VGLL4: variants seen among roughly 807,000 people sequenced by gnomAD.
VGLL4 encodes vestigial like family member 4.
VGLL4 carries 7 observed loss-of-function variants against 21.0 expected under a neutral mutation model. That is an observed-to-expected ratio of 0.33 (90% CI 0.19 to 0.63). The LOEUF is 0.63. VGLL4 is among the 20% of genes least tolerant of loss of function. VGLL4 has a pLI of 0.78. For missense variants in VGLL4, 394 were observed against 425.7 expected (o/e 0.93, Z 0.66); for synonymous variants, 222 against 173.2 (o/e 1.28, Z -2.21).
intron 2 of VGLL4, among the ~76,000 whole-genome samples, chr3:11,692,675 G>A (rs539305644): frequency 1.4e-5 from 2 of 146,338 alleles, no homozygotes; most frequent in African/African-American, 5.0e-5. Context: ...CAGCAGCAAC[G>A]CACAATTCAG....
At chr3:11,562,614 G>A (rs778484277) in intron 3 of VGLL4, among the ~76,000 whole-genome samples, 4 of 152,234 alleles carry the variant, frequency 2.6e-5, no homozygotes, top group Non-Finnish European at 5.9e-5. Context: ...CAGGGCGCCC[G>A]AGCCCAGCTC....
intron 2 of VGLL4, among the ~76,000 whole-genome samples, chr3:11,583,905 G>A (rs141892745): frequency 2.6e-5 from 4 of 152,306 alleles, no homozygotes; most frequent in South Asian, 2.1e-4. Context: ...ATGGACTGAC[G>A]AAGTGATGAC....
At chr3:11,589,752 T>C (rs1409130954) in intron 2 of VGLL4, among the ~76,000 whole-genome samples, 1 of 152,196 alleles carries the variant, frequency 6.6e-6, no homozygotes, top group Non-Finnish European at 1.5e-5. Flanking sequence ...TTTCCCGGCC[T>C]AGAGACAGCC....
chr3:11,602,597 C>T (rs960301104), intron 1 of VGLL4, among the ~76,000 whole-genome samples: 8 of 152,108 alleles, frequency 5.3e-5, no homozygotes, highest in African/African-American at 1.9e-4. Context: ...TCTTACAGTA[C>T]GCTAAATATT....
intron 2 of VGLL4, among the ~76,000 whole-genome samples, chr3:11,587,247 G>A (rs1156833016): frequency 6.6e-6 from 1 of 152,190 alleles, no homozygotes; most frequent in East Asian, 1.9e-4. Flanking sequence ...GATAAACTCA[G>A]CAAAGTCCTC....
At chr3:11,689,450 TCAC>T (rs1308042772) in intron 2 of VGLL4, among the ~76,000 whole-genome samples, 1 of 152,204 alleles carries the variant, frequency 6.6e-6, no homozygotes, top group African/African-American at 2.4e-5. Context: ...TTAAGTTCAA[TCAC>T]CACATTTTTA....
chr3:11,577,540 C>G (rs932369123), intron 2 of VGLL4, among the ~76,000 whole-genome samples: 3 of 152,144 alleles, frequency 2.0e-5, no homozygotes, highest in African/African-American at 7.2e-5. Flanking sequence ...CTGCAGTGAG[C>G]CGAGATCATG....
At chr3:11,666,673 T>C (rs1183739794) in intron 2 of VGLL4, among the ~76,000 whole-genome samples, 1 of 152,160 alleles carries the variant, frequency 6.6e-6, no homozygotes, top group Admixed American at 6.5e-5. Flanking sequence ...AATGCATATC[T>C]GGACATAATT....
chr3:11,578,352 C>T (rs760903646), intron 2 of VGLL4, among the ~76,000 whole-genome samples: 1 of 152,116 alleles, frequency 6.6e-6, no homozygotes, highest in African/African-American at 2.4e-5. Flanking sequence ...TTCTGCGTCA[C>T]GTGGTGTGTG....
rs2075171179 is a variant in VGLL4, at chr3:11,616,791, G to T, written c.83-14769C>A. 2.6e-5 allele frequency among the ~76,000 whole-genome samples: 4 copies of T among 152,258 alleles called. No homozygotes were observed. The South Asian group carries it at 8.3e-4, about 31-fold the overall frequency. On this transcript the variant is annotated intron_variant, in intron 1 of 4. Transcript: ENST00000430365. Reference sequence around the variant, plus strand: ...CTCCAGGAACTAAGGAAAACACACAGATGTTTGAGATCTGGTCTTTGCCTC... The same window carrying T: ...CTCCAGGAACTAAGGAAAACACACATATGTTTGAGATCTGGTCTTTGCCTC...
intron 2 of VGLL4, among the ~76,000 whole-genome samples, chr3:11,580,548 A>C (rs1282065391): frequency 6.6e-6 from 1 of 152,256 alleles, no homozygotes; most frequent in Non-Finnish European, 1.5e-5. Flanking sequence ...AATTCTGTTT[A>C]ATGTTCAACA....
In VGLL4 at chr3:11,714,652, C is replaced by T. The variant is rs192197732; in HGVS notation, c.-14+5742G>A. On this transcript the variant is annotated intron_variant, in intron 1 of 5. Transcript: ENST00000273038. ...ATCTCTCTCTCTTCATTTTCAAGAC[C>T]GCAGCCTTATACAGCAAGGCATATG... Among the ~76,000 whole-genome samples the T allele has an allele frequency of 2.4e-4, 37 of 151,604 alleles. 2 individuals are homozygous for T. In the East Asian group the frequency reaches 4.1e-3, roughly 17 times the overall value.
intron 1 of VGLL4, among the ~76,000 whole-genome samples, chr3:11,604,860 T>G (rs1006384130): frequency 1.4e-5 from 2 of 143,930 alleles, no homozygotes; most frequent in African/African-American, 5.1e-5. Context: ...ACAGCAAAAC[T>G]CAAGGTATGT....
chr3:11,595,144 A>G (rs912698612), intron 2 of VGLL4, among the ~76,000 whole-genome samples: 26 of 152,060 alleles, frequency 1.7e-4, no homozygotes, highest in African/African-American at 5.6e-4. Flanking sequence ...CTGGGCAACA[A>G]GAGTGAAACT....
intron 1 of VGLL4, among the ~76,000 whole-genome samples, chr3:11,637,606 C>T (rs1440087534): frequency 6.6e-6 from 1 of 152,164 alleles, no homozygotes. Flanking sequence ...TTAAAACATT[C>T]TATACATAAT....
At chr3:11,706,896 C>T (rs771256147) in intron 1 of VGLL4, among the ~76,000 whole-genome samples, 5 of 152,120 alleles carry the variant, frequency 3.3e-5, no homozygotes, top group Admixed American at 2.0e-4. Context: ...GAGCCTGATG[C>T]GGGTGGCCTT....
At position 11,556,872 on chromosome 3, in the gene VGLL4, G is replaced by A. The variant is rs2072472064; in HGVS notation, c.*1684C>T. 1 of 152,768 alleles carries A rather than the reference G, an allele frequency of 6.5e-6. No homozygotes were observed. The highest frequency in any genetic ancestry group is 1.5e-5 in the Non-Finnish European group (1 of 68,042). 9.5% of individuals were successfully genotyped at this position (152,768 alleles called of 1,614,324 possible). A position where few individuals can be genotyped will look rare whatever the true frequency, so the allele number is the denominator to read the frequency against. On this transcript the variant is annotated 3_prime_UTR_variant, in exon 5 of 5. Transcript: ENST00000430365. ...GTACAGTGGGAGTGAAATGTGTGCG[G>A]GGCAAGGAGAAGGGCTTTTCTTTCC...
exon 2 of VGLL4, chr3:11,703,036 C>G (rs1328463073): frequency 6.2e-7 from 1 of 1,610,210 alleles, no homozygotes; most frequent in Non-Finnish European, 8.5e-7. Flanking sequence ...CGTCTCCATT[C>G]CTGGTTGGAG....
intron 1 of VGLL4, chr3:11,607,464 T>TTCTTTGGGGGA (rs1387443943): frequency 6.6e-6 from 1 of 152,120 alleles, no homozygotes. Flanking sequence ...GGTGGCAGGT[T>TTCTTTGGGGGA]TCTTTGGGGG....
Sources: allele counts gnomAD v4.1 joint callset (sites outside exome capture counted in the v4.1 genomes callset), GRCh38; gene constraint gnomAD v4.1.1; transcripts MANE v1.5; gene names NCBI Gene and HGNC (gene_info 2026-07-23, HGNC 2026-07-21).